SEC16A: variants seen among roughly 807,000 people sequenced by gnomAD.
SEC16A encodes protein transport protein Sec16A.
A neutral mutation model predicts 221.9 loss-of-function variants in SEC16A; 110 were observed. The observed-to-expected ratio is 0.50, with a 90% CI of 0.42 to 0.58. The LOEUF (loss-of-function observed/expected upper bound fraction) is 0.58. Among genes scored for constraint, SEC16A ranks in the 20% least tolerant of loss-of-function variants. SEC16A has a pLI of 0.00. For synonymous variants in SEC16A, 1,393 were observed against 1,257.7 expected (o/e 1.11, Z -2.28); for missense variants, 3,165 against 3,097.8 (o/e 1.02, Z -0.52).
chr9:136,469,258 G>C (rs907687845), intron 4 of SEC16A, among the ~76,000 whole-genome samples: 1 of 152,134 alleles, frequency 6.6e-6, no homozygotes, highest in Admixed American at 6.5e-5. Context: ...GTCAGAGCCC[G>C]TGTGTGTGCT....
chr9:136,483,745 G>C (rs1342917661), upstream of SEC16A: 2 of 985,314 alleles, frequency 2.0e-6, no homozygotes, highest in Non-Finnish European at 2.4e-6. Context: ...GCCCTGACGC[G>C]GGCGCGCTCC....
chr9:136,476,490 A>G lies in SEC16A; in HGVS notation c.1126T>C (p.Phe376Leu). ...SGASGALAMF[F>L]QGGETENEEN... ...TCATTTTCTGTCTCTCCCCCTTGGA[A>G]AAACATCGCCAGAGCTCCTGAAGCT... Residue 376 changes from phenylalanine to leucine, a missense_variant, in exon 3 of 32, where the codon TTC becomes CTC. This residue lies in a region of SEC16A where 2,030 missense variants were observed against 1,923.1 expected (regional missense o/e 1.06). Transcript: ENST00000684901. 1 of 1,613,192 alleles carries G rather than the reference A, an allele frequency of 6.2e-7. No individual in the cohort carries two copies. The highest frequency in any genetic ancestry group is 1.1e-5 in the South Asian group (1 of 91,042).
At position 136,466,296 on chromosome 9, in the gene SEC16A, G is replaced by A. The variant is rs1387074806; in HGVS notation, c.4096C>T (p.Arg1366Cys). 8 of 1,568,480 alleles carry A rather than the reference G, an allele frequency of 5.1e-6. No individual in the cohort carries two copies. The highest frequency in any genetic ancestry group is 4.1e-5 in the African/African-American group (3 of 73,680). Residue 1366 changes from arginine to cysteine, a missense_variant, in exon 7 of 32, where the codon CGC (arginine) becomes TGC (cysteine). Physicochemically the swap from Arg to Cys is radical, Grantham distance 180 (BLOSUM62 -3). Transcript: ENST00000684901. This position sits in a 1 kb window ranked among gnomAD's most constrained non-coding sequence, Gnocchi z 5.5. The part of the protein sequence containing the change: ...SLHSAHSLAS[R>C]RSSLSSHSHQ... The stretch of plus-strand genomic sequence containing the variant: ...GAGTGGGAGCTGAGGCTGCTGCGGC[G>A]GCTGGCCAGGCTGTGTGCGCTGTGC...
chr9:136,463,089 T>C lies in SEC16A; in HGVS notation c.4691A>G (p.His1564Arg), dbSNP rs1360382705. 1 of 1,612,192 alleles carries C rather than the reference T, an allele frequency of 6.2e-7. No individual in the cohort carries two copies. Among genetic ancestry groups the C allele is most frequent in the East Asian group, 2.2e-5 (1 of 44,880 alleles). The change falls in exon 12 of 32, where the codon CAC becomes CGC. Residue 1564 changes from histidine to arginine, a missense_variant. His to Arg is a conservative substitution (Grantham distance 29). This residue lies in a region of SEC16A where 1,088 missense variants were observed against 1,089.6 expected (regional missense o/e 1.00). Transcript: ENST00000684901. The stretch of plus-strand genomic sequence containing the variant: ...CTTCCCAGGAAGCCACACTGTTCTG[T>C]GGTCTCGTAACAGAAGCTCCGCAAT... ...TDIAELLLRD[H>R]RTVWLPGKSP...
chr9:136,468,625 G>A (rs1047474807), intron 4 of SEC16A, 113 bp from the exon 5 acceptor site: 1 of 640,958 alleles, frequency 1.6e-6, no homozygotes, highest in Non-Finnish European at 2.7e-6. Flanking sequence ...CACTTTGGTT[G>A]TACAAAAATT....
In SEC16A at chr9:136,483,010, C is replaced by A. The variant is rs901093981; in HGVS notation, c.-264G>T. The A allele has an allele frequency of 1.0e-6, 1 of 985,340 alleles. No individual in the cohort carries two copies. Among genetic ancestry groups the A allele is most frequent in the South Asian group, 4.7e-5 (1 of 21,288 alleles). The allele number at this position is 985,340 out of a possible 1,614,324, so 61.0% of individuals were successfully genotyped here. ...CCGACGCTGGCGACGAGCACAGACA[C>A]CTCAGCCGCCGCAGCCATCTTGGCA... On this transcript the variant is annotated 5_prime_UTR_variant, in exon 1 of 32. Transcript: ENST00000684901.
At chr9:136,456,702 G>C (rs1838725282) in intron 18 of SEC16A, among the ~76,000 whole-genome samples, 1 of 152,206 alleles carries the variant, frequency 6.6e-6, no homozygotes, top group Admixed American at 6.5e-5. Flanking sequence ...CTACTGACAA[G>C]AGGTGAAGAT....
intron 17 of SEC16A, among the ~76,000 whole-genome samples, chr9:136,457,812 C>G (rs1199436861): frequency 6.6e-6 from 1 of 152,234 alleles, no homozygotes; most frequent in Non-Finnish European, 1.5e-5. Flanking sequence ...AACGACTAAG[C>G]TGGTAGCAAA....
In SEC16A at chr9:136,468,520, AAC is replaced by A. The variant is rs755742761; in HGVS notation, c.3705-10_3705-9del. ...CCTTCAGGATATCCTTGCCTGAAAA[AAC>A]ACACAGTGCTGTTAAAACACAAATT... On this transcript the variant is annotated splice_polypyrimidine_tract_variant and intron_variant, in intron 4 of 31. Transcript: ENST00000684901. 5.1e-6 allele frequency: 8 copies of A among 1,563,962 alleles called. No individual in the cohort carries two copies. Among genetic ancestry groups the A allele is most frequent in the Non-Finnish European group, 7.0e-6 (8 of 1,134,920 alleles).
At chr9:136,481,945 A>G (rs1347770514) in intron 1 of SEC16A, among the ~76,000 whole-genome samples, 1 of 152,166 alleles carries the variant, frequency 6.6e-6, no homozygotes, top group Non-Finnish European at 1.5e-5. Flanking sequence ...TCACATTAAC[A>G]TTTACCCACT....
chr9:136,481,430 G>A (rs7869821), intron 1 of SEC16A, among the ~76,000 whole-genome samples: 19,265 of 152,186 alleles, frequency 0.13, 1,477 homozygotes, highest in Admixed American at 0.24. Flanking sequence ...GAGCCACCGC[G>A]CCCGGCCCAG....
In SEC16A at chr9:136,441,747, G is replaced by A; in HGVS notation, c.*8C>T. 1 of 1,613,162 alleles carries A rather than the reference G, an allele frequency of 6.2e-7. No individual in the cohort carries two copies. Among genetic ancestry groups the A allele is most frequent in the African/African-American group, 1.3e-5 (1 of 75,050 alleles). On this transcript the variant is annotated 3_prime_UTR_variant, in exon 32 of 32. Transcript: ENST00000684901. Reference sequence around the variant, plus strand: ...GGGCTCCAAGTGCAAGTTCACAGCAGGGCAAGCCTAGTTCAGCACCAGGTG... The same window carrying A: ...GGGCTCCAAGTGCAAGTTCACAGCAAGGCAAGCCTAGTTCAGCACCAGGTG...
At chr9:136,449,728 A>G (rs1837529534) in intron 23 of SEC16A, among the ~76,000 whole-genome samples, 1 of 152,246 alleles carries the variant, frequency 6.6e-6, no homozygotes, top group African/African-American at 2.4e-5. Flanking sequence ...TACTGGCCAG[A>G]CAAGCTGTCC....
In SEC16A at chr9:136,441,520, A is replaced by G. The variant is rs1229357092; in HGVS notation, c.*235T>C. On this transcript the variant is annotated 3_prime_UTR_variant, in exon 32 of 32. Transcript: ENST00000684901. ...GAAAGTCACATCATTCTTTTCGGCA[A>G]ACAATTCTGAGTCAAAGATTCAGTC... The G allele has an allele frequency of 1.8e-6, 1 of 566,050 alleles. No individual in the cohort carries two copies. The highest frequency in any genetic ancestry group is 2.9e-5 in the East Asian group (1 of 34,834). 35.1% of individuals were successfully genotyped at this position (566,050 alleles called of 1,614,324 possible).
chr9:136,448,491 G>A lies in SEC16A; in HGVS notation c.6313-330C>T, dbSNP rs1837328217. ...CAGAGACACCAGGAGGATGGAGGTG[G>A]GGGGCAGATCCACAGAGACACCAGG... On this transcript the variant is annotated intron_variant, in intron 23 of 31. Transcript: ENST00000684901. 5.6e-6 allele frequency: 4 copies of A among 712,204 alleles called. No homozygotes were observed. The East Asian group carries it at 1.1e-4, about 19-fold the overall frequency. The allele number at this position is 712,204 out of a possible 1,614,324, so 44.1% of individuals were successfully genotyped here. A position where few individuals can be genotyped will look rare whatever the true frequency, so the allele number is the denominator to read the frequency against.
chr9:136,472,792 C>A (rs1047177769), intron 3 of SEC16A, among the ~76,000 whole-genome samples: 3 of 152,248 alleles, frequency 2.0e-5, no homozygotes, highest in African/African-American at 7.2e-5. Flanking sequence ...TCGACGCTGC[C>A]GCTGCCTGGC....
At chr9:136,455,865 C>G in intron 19 of SEC16A, 72 bp from the exon 20 acceptor site, 3 of 1,441,106 alleles carry the variant, frequency 2.1e-6, no homozygotes, top group South Asian at 1.3e-5. Flanking sequence ...CCTGCCACCA[C>G]CGCGCTTGCT....
At chr9:136,464,635 G>C in intron 8 of SEC16A, 73 bp from the exon 9 acceptor site, 1 of 1,310,694 alleles carries the variant, frequency 7.6e-7, no homozygotes, top group South Asian at 1.3e-5. Flanking sequence ...TTTTCAATGT[G>C]CTCACACAGC....
intron 5 of SEC16A, 144 bp downstream of exon 5, chr9:136,468,271 T>C: frequency 4.0e-6 from 2 of 493,852 alleles, no homozygotes; most frequent in East Asian, 3.2e-5. Flanking sequence ...ATTTTGGCTT[T>C]TGGGCAAAAA....
Sources: allele counts gnomAD v4.1 joint callset (sites outside exome capture counted in the v4.1 genomes callset), GRCh38; gene constraint gnomAD v4.1.1; regional missense constraint gnomAD v4.1.1; non-coding constraint Gnocchi (gnomAD v3.1); transcripts MANE v1.5; gene names NCBI Gene and HGNC (gene_info 2026-07-23, HGNC 2026-07-21).